SDK1: variants seen among roughly 807,000 people sequenced by gnomAD.
The protein encoded by SDK1 is sidekick cell adhesion molecule 1, also known as protein sidekick-1.
SDK1 carries 157 observed loss-of-function variants against 245.5 expected under a neutral mutation model. The ratio of observed to expected loss-of-function variants is 0.64; its 90% CI spans 0.56 to 0.73. The LOEUF is 0.73. Among genes scored for constraint, SDK1 ranks in the 30% least tolerant of loss-of-function variants. SDK1 has a pLI of 0.00. For missense variants in SDK1, 3,583 were observed against 3,002.3 expected (o/e 1.19, Z -4.52); for synonymous variants, 1,647 against 1,278.5 (o/e 1.29, Z -6.15).
chr7:4,136,840 G>A (rs12701427), intron 28 of SDK1, among the ~76,000 whole-genome samples: 69,794 of 152,144 alleles, frequency 0.46, 16,753 homozygotes, highest in African/African-American at 0.57. Flanking sequence ...GCTCCAGCAA[G>A]TATGATCCCT....
chr7:3,810,925 G>C (rs1724876214), intron 4 of SDK1, among the ~76,000 whole-genome samples: 2 of 152,140 alleles, frequency 1.3e-5, no homozygotes, highest in African/African-American at 4.8e-5. Flanking sequence ...AGGTAATAGA[G>C]GCTTCTGGTC....
At chr7:4,110,816 A>T in intron 23 of SDK1, 44 bp downstream of exon 23, 3 of 1,397,060 alleles carry the variant, frequency 2.1e-6, no homozygotes, top group Non-Finnish European at 3.1e-6. Flanking sequence ...AAACACTGGC[A>T]GCCCAGGCAG....
intron 4 of SDK1, among the ~76,000 whole-genome samples, chr7:3,683,815 T>C (rs1346041238): frequency 6.6e-6 from 1 of 152,148 alleles, no homozygotes; most frequent in Non-Finnish European, 1.5e-5. Context: ...ACCTCTAATC[T>C]GGAACTAGCA....
intron 2 of SDK1, among the ~76,000 whole-genome samples, chr7:3,629,394 C>T (rs1782223307): frequency 6.6e-6 from 1 of 151,984 alleles, no homozygotes; most frequent in African/African-American, 2.4e-5. Context: ...TAATATTTGG[C>T]AGAATATTCG....
At chr7:4,180,883 A>G (rs552446090) in intron 35 of SDK1, among the ~76,000 whole-genome samples, 1 of 151,948 alleles carries the variant, frequency 6.6e-6, no homozygotes, top group South Asian at 2.1e-4. Context: ...GCCAGGCCCC[A>G]CCTGCACGTT....
chr7:3,668,258 G>A (rs1783596572), intron 4 of SDK1, among the ~76,000 whole-genome samples: 3 of 152,176 alleles, frequency 2.0e-5, no homozygotes, highest in African/African-American at 4.8e-5. Context: ...TCCACCTGGT[G>A]TCAGCTAGGG....
At chr7:3,833,240 G>A (rs964360715) in intron 5 of SDK1, among the ~76,000 whole-genome samples, 1 of 152,178 alleles carries the variant, frequency 6.6e-6, no homozygotes, top group African/African-American at 2.4e-5. Flanking sequence ...GCTGACATAA[G>A]TCAGTAATGG....
rs576011125 is a variant in SDK1, at chr7:3,867,248, C to A, written c.847+45665C>A. Among the ~76,000 whole-genome samples, 4 of 152,060 alleles carry A rather than the reference C, an allele frequency of 2.6e-5. No homozygotes were observed. The South Asian group carries it at 8.3e-4, about 32-fold the overall frequency. ...AAACTGGCCAAAGAAAAAAATAGGCCCCTAACACAGGAGAGAGAAAGAGTG... is the reference window on the plus strand; with the variant it reads ...AAACTGGCCAAAGAAAAAAATAGGCACCTAACACAGGAGAGAGAAAGAGTG... On this transcript the variant is annotated intron_variant, in intron 5 of 44. Coordinates refer to ENST00000404826, the MANE Select transcript of SDK1 (RefSeq NM_152744.4).
intron 44 of SDK1, among the ~76,000 whole-genome samples, chr7:4,256,977 C>T (rs1392865496): frequency 6.6e-6 from 1 of 152,234 alleles, no homozygotes; most frequent in Non-Finnish European, 1.5e-5. Context: ...TGAATTATGT[C>T]CTAAGTGTCA....
At chr7:3,447,049 C>A (rs549725522) in intron 1 of SDK1, among the ~76,000 whole-genome samples, 1 of 151,936 alleles carries the variant, frequency 6.6e-6, no homozygotes. Flanking sequence ...TGCAAGGGAC[C>A]GATTATAGAG....
chr7:3,357,278 T>C (rs973845439), intron 1 of SDK1, among the ~76,000 whole-genome samples: 3 of 150,056 alleles, frequency 2.0e-5, no homozygotes, highest in African/African-American at 2.4e-5. Context: ...TTAAGGAATT[T>C]GGCATTTTAT....
At chr7:4,099,137 G>C (rs376872737) in intron 22 of SDK1, among the ~76,000 whole-genome samples, 1 of 152,016 alleles carries the variant, frequency 6.6e-6, no homozygotes, top group African/African-American at 2.4e-5. Flanking sequence ...ACAGTCTTTC[G>C]ATGGGAGGGA....
chr7:4,237,305 G>A (rs551158937), intron 41 of SDK1, among the ~76,000 whole-genome samples: 1 of 152,092 alleles, frequency 6.6e-6, no homozygotes, highest in East Asian at 1.9e-4. Flanking sequence ...GAGAAAGCAA[G>A]CAGGAAGGGC....
chr7:4,018,350 C>T (rs981448179), intron 17 of SDK1, among the ~76,000 whole-genome samples: 2 of 152,124 alleles, frequency 1.3e-5, no homozygotes, highest in African/African-American at 4.8e-5. Context: ...ATTATCATCC[C>T]GTATTGACTG....
In SDK1 at chr7:3,690,878, A is replaced by G. The variant is rs141704453; in HGVS notation, c.713+48773A>G. The stretch of plus-strand genomic sequence containing the variant: ...GAACTTTCATAATAGACAGTCTCAA[A>G]ACACTTCAGAAATAAAATACACTCA... On this transcript the variant is annotated intron_variant, in intron 4 of 44. Transcript: ENST00000404826. Among the ~76,000 whole-genome samples the G allele has an allele frequency of 6.9e-4, 105 of 152,306 alleles. 2 individuals are homozygous for G. In the East Asian group the frequency reaches 0.015, roughly 22 times the overall value.
chr7:3,974,276 A>T (rs117522013), intron 12 of SDK1, 93 bp from the exon 13 acceptor site: 16,982 of 1,021,658 alleles, frequency 0.017, 201 homozygotes, highest in Non-Finnish European at 0.021. Context: ...CATTCACAAG[A>T]TTGTTAGTTG....
At chr7:4,180,006 T>A (rs552434503) in intron 35 of SDK1, among the ~76,000 whole-genome samples, 5 of 151,970 alleles carry the variant, frequency 3.3e-5, no homozygotes, top group Admixed American at 1.3e-4. Context: ...ACCAGGGGGC[T>A]CAGGGCACTT....
chr7:3,327,641 C>T (rs1779969030), intron 1 of SDK1, among the ~76,000 whole-genome samples: 1 of 152,038 alleles, frequency 6.6e-6, no homozygotes. Flanking sequence ...AATCCCATAT[C>T]TGTAGTTCCA....
intron 42 of SDK1, among the ~76,000 whole-genome samples, chr7:4,238,277 A>C (rs944800174): frequency 1.3e-5 from 2 of 151,346 alleles, no homozygotes; most frequent in Non-Finnish European, 2.9e-5. Flanking sequence ...GCGGGGTTTC[A>C]CCATGTTGGC....
Sources: gnomAD v4.1 joint callset for allele counts (sites outside exome capture counted in the v4.1 genomes callset) on GRCh38, gnomAD v4.1.1 for gene constraint, MANE v1.5 for transcripts, NCBI Gene and HGNC (gene_info 2026-07-23, HGNC 2026-07-21) for gene names.